The following GATA4 variants were observed in gnomAD, a reference collection of about 807,000 sequenced individuals.
GATA4 encodes the protein GATA binding protein 4.
GATA4 carries 7 observed loss-of-function variants against 37.9 expected under a neutral mutation model. The ratio of observed to expected loss-of-function variants is 0.18; its 90% confidence interval spans 0.11 to 0.35. The LOEUF (loss-of-function observed/expected upper bound fraction) is 0.35. GATA4 is among the 10% of genes least tolerant of loss of function. The pLI is 1.00. For synonymous variants in GATA4, 372 were observed against 292.6 expected (o/e 1.27, Z -2.77); for missense variants, 647 against 653.0 (o/e 0.99, Z 0.10).
intron 2 of GATA4, among the ~76,000 whole-genome samples, chr8:11,720,830 T>A (rs978321093): frequency 6.6e-6 from 1 of 152,074 alleles, no homozygotes; most frequent in African/African-American, 2.4e-5. Flanking sequence ...TGACCTCAGG[T>A]GCTCTGAGTT....
intron 2 of GATA4, among the ~76,000 whole-genome samples, chr8:11,727,288 T>C (rs1800972377): frequency 6.6e-6 from 1 of 151,932 alleles, no homozygotes. Flanking sequence ...ATGGGGACCC[T>C]TTCCCCAGGA....
Position 11,749,970 on chromosome 8 carries a change from C to A in GATA4, c.787-141C>A, listed in dbSNP as rs1354055266. On this transcript the variant is annotated intron_variant, in intron 3 of 6. Coordinates refer to ENST00000532059, the MANE Select transcript of GATA4 (RefSeq NM_001308093.3). This position sits in a 1 kb window ranked among gnomAD's most constrained non-coding sequence, Gnocchi z 4.6. Reference sequence around the variant, plus strand: ...GTGACAGGAGAGTTAGGTGCCGTCACAGGTCAGAGATCTCATGCAGGGTCG... The same window carrying A: ...GTGACAGGAGAGTTAGGTGCCGTCAAAGGTCAGAGATCTCATGCAGGGTCG... The A allele has an allele frequency of 2.1e-5, 23 of 1,109,862 alleles. No homozygotes were observed. Among genetic ancestry groups the A allele is most frequent in the African/African-American group, 3.1e-5 (2 of 65,170 alleles). 68.8% of individuals were successfully genotyped at this position (1,109,862 alleles called of 1,614,324 possible). A position where few individuals can be genotyped will look rare whatever the true frequency, so the allele number is the denominator to read the frequency against.
upstream of GATA4, chr8:11,692,120 C>T: frequency 1.1e-5 from 9 of 839,190 alleles, no homozygotes; most frequent in Non-Finnish European, 1.3e-5. Flanking sequence ...GAGCTCGGGC[C>T]ACCTGTTCTC....
intron 1 of GATA4, chr8:11,697,486 C>T (rs934141312): frequency 3.3e-6 from 3 of 913,348 alleles, no homozygotes; most frequent in Admixed American, 1.2e-4. Flanking sequence ...CGGAGGGGAG[C>T]AGCGCTCTCG....
intron 1 of GATA4, among the ~76,000 whole-genome samples, chr8:11,686,142 T>A (rs188560392): frequency 2.7e-5 from 4 of 150,918 alleles, no homozygotes; most frequent in Non-Finnish European, 4.4e-5. Flanking sequence ...TGGGGGAGAG[T>A]GGTCACAAAA....
At chr8:11,741,127 C>T (rs1354284363) in intron 2 of GATA4, among the ~76,000 whole-genome samples, 3 of 152,108 alleles carry the variant, frequency 2.0e-5, no homozygotes, top group African/African-American at 7.2e-5. Context: ...TGTTTAGTGT[C>T]GAGATGCAGC....
intron 1 of GATA4, chr8:11,683,182 C>CG: frequency 1.1e-6 from 1 of 927,136 alleles, no homozygotes; most frequent in Non-Finnish European, 1.3e-6. Context: ...ATCTGGACAG[C>CG]AGCAGGAACA....
intron 4 of GATA4, among the ~76,000 whole-genome samples, chr8:11,751,263 A>G (rs780890520): frequency 6.6e-6 from 1 of 152,234 alleles, no homozygotes; most frequent in African/African-American, 2.4e-5. Flanking sequence ...ATTCTCCATT[A>G]TACAATATTA....
chr8:11,737,537 C>G (rs1405714099), intron 2 of GATA4, among the ~76,000 whole-genome samples: 1 of 152,250 alleles, frequency 6.6e-6, no homozygotes, highest in Non-Finnish European at 1.5e-5. Context: ...CCATTGCAAT[C>G]TTCCTAATAA....
At chr8:11,681,475 G>C (rs1273566322) in intron 1 of GATA4, 2 of 944,110 alleles carry the variant, frequency 2.1e-6, no homozygotes, top group African/African-American at 4.2e-5. Flanking sequence ...CGGTCCCCGC[G>C]CGGGGTGCGG....
At chr8:11,702,534 A>C (rs78784656), upstream of GATA4, among the ~76,000 whole-genome samples, 6,095 of 150,832 alleles carry the variant, frequency 0.04, 340 homozygotes, top group African/African-American at 0.12. This position sits in a 1 kb window ranked among gnomAD's most constrained non-coding sequence, Gnocchi z 4.4. Flanking sequence ...TTCTCCGCTG[A>C]GTCCGAAGGA....
rs1197543534 is a variant in GATA4, at chr8:11,750,341, C to G, written c.912+105C>G. 3.3e-6 allele frequency: 5 copies of G among 1,492,914 alleles called. No homozygotes were observed. In the African/African-American group the frequency reaches 4.1e-5, roughly 12 times the overall value. The allele number at this position is 1,492,914 out of a possible 1,614,324, so 92.5% of individuals were successfully genotyped here. On this transcript the variant is annotated intron_variant, in intron 4 of 6. Transcript: ENST00000532059. ...ACTAGCATTCATTTTTCCTTCTTAA[C>G]AAAGAGACTTAGATTTGGAAGGGGC...
intron 1 of GATA4, chr8:11,681,194 GCC>G (rs1798959834): frequency 1.0e-6 from 1 of 985,276 alleles, no homozygotes; most frequent in African/African-American, 1.7e-5. Context: ...ACAGGCCCTG[GCC>G]CGCGCGGGAT....
intron 1 of GATA4, among the ~76,000 whole-genome samples, chr8:11,695,992 A>G (rs1489205712): frequency 1.3e-5 from 2 of 152,304 alleles, no homozygotes; most frequent in East Asian, 3.9e-4. Context: ...CATATTTTAG[A>G]TGGGAGTCAA....
chr8:11,700,741 G>T (rs1299686798), upstream of GATA4: 1 of 152,284 alleles, frequency 6.6e-6, no homozygotes, highest in Non-Finnish European at 1.5e-5. Context: ...CCGCAGAGGC[G>T]CGTCCATATC....
Position 11,708,859 on chromosome 8 carries a change from C to T in GATA4, c.547C>T (p.Pro183Ser). ...CGCAGCCGCCGCCGCCTCCGCCGGC[C>T]CCTTCGACAGCCCGGTCCTGCACAG... is the stretch of plus-strand genomic sequence containing the variant. ...WAAAAAASAG[P>S]FDSPVLHSLP... Residue 183 changes from proline (P) to serine (S), a missense_variant, in exon 2 of 7, where the codon CCC becomes TCC. Coordinates refer to ENST00000532059, the MANE Select transcript of GATA4 (RefSeq NM_001308093.3). This position sits in a 1 kb window ranked among gnomAD's most constrained non-coding sequence, Gnocchi z 6.7. 1.3e-6 allele frequency: 2 copies of T among 1,507,738 alleles called. No individual in the cohort carries two copies. The highest frequency in any genetic ancestry group is 1.8e-6 in the Non-Finnish European group (2 of 1,135,764). 93.4% of individuals were successfully genotyped at this position (1,507,738 alleles called of 1,614,324 possible).
intron 2 of GATA4, among the ~76,000 whole-genome samples, chr8:11,726,783 C>T (rs986535606): frequency 6.6e-6 from 1 of 152,172 alleles, no homozygotes; most frequent in Non-Finnish European, 1.5e-5. Flanking sequence ...TCACTTGATC[C>T]CTTGATGCTC....
intron 5 of GATA4, chr8:11,756,511 A>T (rs1478492156): frequency 4.2e-6 from 1 of 238,102 alleles, no homozygotes; most frequent in African/African-American, 2.3e-5. Context: ...TATTTTGAAC[A>T]GACACTAGGC....
chr8:11,683,249 C>T, intron 1 of GATA4: 2 of 540,146 alleles, frequency 3.7e-6, no homozygotes, highest in Non-Finnish European at 4.7e-6. Flanking sequence ...ACGGGGCTGG[C>T]GTGCTCCACC....
Sources: allele counts gnomAD v4.1 joint callset (sites outside exome capture counted in the v4.1 genomes callset), GRCh38; gene constraint gnomAD v4.1.1; non-coding constraint Gnocchi (gnomAD v3.1); transcripts MANE v1.5; gene names NCBI Gene and HGNC (gene_info 2026-07-23, HGNC 2026-07-21).